SPOCK3: variants seen among roughly 807,000 people sequenced by gnomAD.
SPOCK3 encodes the protein testican-3.
SPOCK3 carries 30 observed loss-of-function variants against 56.6 expected under a neutral mutation model. The observed-to-expected ratio is 0.53, with a 90% CI of 0.40 to 0.72. The LOEUF (loss-of-function observed/expected upper bound fraction) is 0.72. SPOCK3 is among the 30% of genes least tolerant of loss of function. The pLI is 0.00. For missense variants in SPOCK3, 527 were observed against 530.0 expected, an observed-to-expected ratio of 0.99 and a Z score of 0.06; for synonymous variants, 196 against 183.3, an observed-to-expected ratio of 1.07 and a Z score of -0.56.
chr4:167,217,235 G>T (rs1735449912), intron 2 of SPOCK3, among the ~76,000 whole-genome samples: 1 of 152,034 alleles, frequency 6.6e-6, no homozygotes, highest in South Asian at 2.1e-4. Flanking sequence ...GTTAAAAATT[G>T]TAATACAGTT....
chr4:166,815,850 T>G (rs568263022), intron 6 of SPOCK3, among the ~76,000 whole-genome samples: 1 of 152,164 alleles, frequency 6.6e-6, no homozygotes, highest in East Asian at 1.9e-4. Flanking sequence ...AGAGGCATTA[T>G]CACTGTTTTA....
chr4:166,763,531 T>C (rs1463500604), intron 7 of SPOCK3, among the ~76,000 whole-genome samples: 4 of 152,158 alleles, frequency 2.6e-5, no homozygotes, highest in Non-Finnish European at 5.9e-5. Context: ...ACTTTTTTCC[T>C]TTCATTTTAA....
intron 4 of SPOCK3, among the ~76,000 whole-genome samples, chr4:166,914,118 C>G (rs543007835): frequency 6.6e-6 from 1 of 150,758 alleles, no homozygotes; most frequent in African/African-American, 2.4e-5. Flanking sequence ...TGTAATCAAA[C>G]AAGACATGAA....
intron 2 of SPOCK3, among the ~76,000 whole-genome samples, chr4:167,209,858 A>G (rs901682657): frequency 3.3e-5 from 5 of 152,120 alleles, no homozygotes; most frequent in Non-Finnish European, 7.4e-5. Flanking sequence ...ACATCATGGG[A>G]AAAAAAGCAG....
At chr4:167,046,750 T>C (rs1271406607) in intron 3 of SPOCK3, among the ~76,000 whole-genome samples, 1 of 152,014 alleles carries the variant, frequency 6.6e-6, no homozygotes, top group Non-Finnish European at 1.5e-5. Context: ...CCACCACACC[T>C]GGCACCTTTC....
chr4:166,983,110 C>T (rs888632069), intron 4 of SPOCK3, among the ~76,000 whole-genome samples: 2 of 151,900 alleles, frequency 1.3e-5, no homozygotes, highest in African/African-American at 4.8e-5. Context: ...GGACTTTTTC[C>T]ACGTAGTATT....
intron 3 of SPOCK3, among the ~76,000 whole-genome samples, chr4:167,016,350 A>C (rs1750611964): frequency 6.6e-6 from 1 of 152,126 alleles, no homozygotes; most frequent in African/African-American, 2.4e-5. Context: ...CAATAGTAAA[A>C]AAGGTTAAAG....
intron 5 of SPOCK3, among the ~76,000 whole-genome samples, chr4:166,901,087 G>C (rs1429193020): frequency 6.6e-6 from 1 of 152,094 alleles, no homozygotes; most frequent in Non-Finnish European, 1.5e-5. Flanking sequence ...TACCAGAGAA[G>C]TCTAGAAACA....
At chr4:167,111,178 T>C (rs183347300) in intron 2 of SPOCK3, among the ~76,000 whole-genome samples, 1 of 152,074 alleles carries the variant, frequency 6.6e-6, no homozygotes, top group African/African-American at 2.4e-5. Flanking sequence ...TATGAAATTA[T>C]TAAATGAGGA....
At chr4:167,205,331 ATAT>A (rs1308064569) in intron 2 of SPOCK3, among the ~76,000 whole-genome samples, 4 of 46,612 alleles carry the variant, frequency 8.6e-5, no homozygotes, top group Admixed American at 4.2e-4. Context: ...TATATAATAT[ATAT>A]TATATATTAT....
intron 4 of SPOCK3, among the ~76,000 whole-genome samples, chr4:166,985,726 T>C (rs1368168819): frequency 6.6e-6 from 1 of 152,126 alleles, no homozygotes; most frequent in Non-Finnish European, 1.5e-5. Flanking sequence ...TGCTTTCACA[T>C]TAAAAGAAAT....
intron 6 of SPOCK3, among the ~76,000 whole-genome samples, chr4:166,854,769 G>C (rs370800589): frequency 1.3e-5 from 2 of 152,110 alleles, no homozygotes; most frequent in South Asian, 2.1e-4. Context: ...ATAAGTTAAT[G>C]AGCTGTTGAC....
chr4:166,849,469 A>G (rs1209059632), intron 6 of SPOCK3, among the ~76,000 whole-genome samples: 1 of 152,174 alleles, frequency 6.6e-6, no homozygotes, highest in Admixed American at 6.5e-5. Flanking sequence ...GAGACCACTA[A>G]TAATAGGCAC....
chr4:166,801,409 C>T (rs72494053), intron 6 of SPOCK3, among the ~76,000 whole-genome samples: 1 of 151,980 alleles, frequency 6.6e-6, no homozygotes, highest in Non-Finnish European at 1.5e-5. Context: ...ATGGTAGATA[C>T]AAAAATTCCA....
intron 6 of SPOCK3, among the ~76,000 whole-genome samples, chr4:166,865,743 A>G (rs1028217667): frequency 4.6e-5 from 7 of 152,170 alleles, no homozygotes; most frequent in Admixed American, 6.6e-5. Context: ...GGACCTCTTC[A>G]AGGAGAACTA....
chr4:167,207,413 C>T (rs1734456410), intron 2 of SPOCK3, among the ~76,000 whole-genome samples: 1 of 151,274 alleles, frequency 6.6e-6, no homozygotes, highest in Admixed American at 6.6e-5. Context: ...AATAAAAAAA[C>T]TAAAAAAAAT....
chr4:167,144,673 A>G (rs114958933), intron 2 of SPOCK3, among the ~76,000 whole-genome samples: 24 of 151,730 alleles, frequency 1.6e-4, no homozygotes, highest in African/African-American at 5.6e-4. Context: ...TTTAAACAGG[A>G]CAGGTCCCAC....
In SPOCK3 at chr4:167,080,680, C is replaced by T. The variant is rs552289442; in HGVS notation, c.190-18143G>A. Reference sequence around the variant, plus strand: ...AGCAACAGAGGCCATGCAATTTTAACTCAGATTTTGATGGTAGTCATACTA... The same window carrying T: ...AGCAACAGAGGCCATGCAATTTTAATTCAGATTTTGATGGTAGTCATACTA... On this transcript the variant is annotated intron_variant, in intron 2 of 10. Coordinates refer to ENST00000357545, the MANE Select transcript of SPOCK3 (RefSeq NM_001040159.2). 3.9e-5 allele frequency among the ~76,000 whole-genome samples: 6 copies of T among 151,944 alleles called. No individual in the cohort carries two copies. In the South Asian group the frequency reaches 1.2e-3, roughly 32 times the overall value.
chr4:167,197,280 A>T (rs1018347349), intron 2 of SPOCK3, among the ~76,000 whole-genome samples: 1 of 152,206 alleles, frequency 6.6e-6, no homozygotes, highest in Non-Finnish European at 1.5e-5. Flanking sequence ...AATTGTGCAC[A>T]GTTGTATAAA....
Sources: allele counts gnomAD v4.1 joint callset (sites outside exome capture counted in the v4.1 genomes callset), GRCh38; gene constraint gnomAD v4.1.1; transcripts MANE v1.5; gene names NCBI Gene and HGNC (gene_info 2026-07-23, HGNC 2026-07-21).